Variants in PTPRR observed in about 807,000 individuals in gnomAD.
The protein encoded by PTPRR is receptor-type tyrosine-protein phosphatase R.
Under a neutral mutation model 77.2 loss-of-function variants are expected in PTPRR, and 38 were observed. The ratio of observed to expected loss-of-function variants is 0.49; its 90% CI spans 0.38 to 0.65. The LOEUF (loss-of-function observed/expected upper bound fraction) is 0.65. Ranked by LOEUF, PTPRR falls within the 30% of genes least tolerant of loss-of-function variation. The probability of loss-of-function intolerance (pLI) is 0.00; values close to 1 mark genes in which losing one functional copy is unlikely to be tolerated. For synonymous variants in PTPRR, 299 were observed against 283.1 expected, an observed-to-expected ratio of 1.06 and a Z score of -0.57; for missense variants, 744 against 799.2, an observed-to-expected ratio of 0.93 and a Z score of 0.83.
At chr12:70,652,866 G>GTGGA (rs1453845902) in intron 13 of PTPRR, among the ~76,000 whole-genome samples, 1 of 152,218 alleles carries the variant, frequency 6.6e-6, no homozygotes, top group East Asian at 1.9e-4. Flanking sequence ...GGAACCCAAG[G>GTGGA]TGGAGGTCAG....
intron 6 of PTPRR, among the ~76,000 whole-genome samples, chr12:70,735,855 G>A (rs1889844368): frequency 2.0e-5 from 3 of 152,290 alleles, no homozygotes; most frequent in Middle Eastern, 3.4e-3. Flanking sequence ...CAGGTGGCAG[G>A]TTAGTGTCCA....
intron 2 of PTPRR, among the ~76,000 whole-genome samples, chr12:70,833,036 G>A (rs780630071): frequency 1.3e-5 from 2 of 152,088 alleles, no homozygotes; most frequent in Non-Finnish European, 2.9e-5. Context: ...ATTACCATGG[G>A]CAGGGCACCA....
chr12:70,871,078 G>A (rs1012920320), intron 2 of PTPRR, among the ~76,000 whole-genome samples: 4 of 152,106 alleles, frequency 2.6e-5, no homozygotes, highest in African/African-American at 7.2e-5. Flanking sequence ...AATGAGTAAC[G>A]GAGAGGGATC....
intron 13 of PTPRR, among the ~76,000 whole-genome samples, chr12:70,641,820 A>G (rs1020941232): frequency 2.6e-5 from 4 of 152,182 alleles, no homozygotes; most frequent in African/African-American, 9.7e-5. Flanking sequence ...CTTTCACCGC[A>G]TTGGTCCAAC....
intron 13 of PTPRR, among the ~76,000 whole-genome samples, chr12:70,656,045 C>G (rs889371955): frequency 6.7e-6 from 1 of 150,206 alleles, no homozygotes; most frequent in Non-Finnish European, 1.5e-5. Context: ...GACCCTGTCT[C>G]TACAAAAAAA....
At chr12:70,897,126 T>C (rs1344489065) in intron 1 of PTPRR, among the ~76,000 whole-genome samples, 3 of 151,892 alleles carry the variant, frequency 2.0e-5, no homozygotes, top group East Asian at 1.9e-4. Context: ...CCAAAAGCAA[T>C]GGCAACAAAA....
At chr12:70,712,890 A>C (rs1430198098) in intron 6 of PTPRR, among the ~76,000 whole-genome samples, 3 of 151,836 alleles carry the variant, frequency 2.0e-5, no homozygotes, top group Non-Finnish European at 1.5e-5. Flanking sequence ...TATTGAGATC[A>C]ACTTATGTAC....
chr12:70,727,147 C>T (rs1889470192), intron 6 of PTPRR, among the ~76,000 whole-genome samples: 1 of 152,048 alleles, frequency 6.6e-6, no homozygotes. Context: ...GAAATTGTCT[C>T]ACAAATTTTA....
At chr12:70,730,300 C>G (rs1889607302) in intron 6 of PTPRR, among the ~76,000 whole-genome samples, 1 of 152,192 alleles carries the variant, frequency 6.6e-6, no homozygotes, top group Non-Finnish European at 1.5e-5. Flanking sequence ...CACCTCAGGT[C>G]AGGAGTTCAA....
chr12:70,781,991 AGTT>A (rs1484713812), intron 2 of PTPRR, among the ~76,000 whole-genome samples: 1 of 152,294 alleles, frequency 6.6e-6, no homozygotes, highest in East Asian at 1.9e-4. Flanking sequence ...ATCCTTGCTC[AGTT>A]GTTGTTATGA....
intron 13 of PTPRR, among the ~76,000 whole-genome samples, chr12:70,654,922 G>A (rs1886521376): frequency 1.3e-5 from 2 of 152,172 alleles, no homozygotes; most frequent in South Asian, 4.1e-4. Flanking sequence ...TGAGATTACA[G>A]GCGAGAGCCA....
intron 10 of PTPRR, among the ~76,000 whole-genome samples, chr12:70,673,689 A>C (rs906353894): frequency 2.0e-5 from 3 of 152,204 alleles, no homozygotes; most frequent in African/African-American, 7.2e-5. Context: ...CTTTGAAATA[A>C]TATTTATTTT....
intron 6 of PTPRR, among the ~76,000 whole-genome samples, chr12:70,722,777 T>C (rs1032076150): frequency 3.3e-5 from 5 of 152,090 alleles, no homozygotes; most frequent in Non-Finnish European, 5.9e-5. Context: ...CCTTGCCCCC[T>C]GTTTCACAGT....
chr12:70,729,343 T>TCTAC (rs1386711559), intron 6 of PTPRR, among the ~76,000 whole-genome samples: 1 of 92,840 alleles, frequency 1.1e-5, no homozygotes, highest in Non-Finnish European at 2.5e-5. Context: ...TATCTATCTA[T>TCTAC]CTATCTATCT....
intron 2 of PTPRR, among the ~76,000 whole-genome samples, chr12:70,804,920 A>T (rs918328731): frequency 1.3e-5 from 2 of 152,250 alleles, no homozygotes; most frequent in East Asian, 3.8e-4. Context: ...TTGAAAAAAC[A>T]GTATAAAGAA....
At chr12:70,800,224 C>A (rs967825244) in intron 2 of PTPRR, among the ~76,000 whole-genome samples, 20 of 152,074 alleles carry the variant, frequency 1.3e-4, no homozygotes, top group Non-Finnish European at 1.8e-4. Context: ...CTGTCTAAAC[C>A]CTTTCCCCCC....
chr12:70,919,900 T>C (rs1047681073), intron 1 of PTPRR, among the ~76,000 whole-genome samples: 4 of 152,014 alleles, frequency 2.6e-5, no homozygotes, highest in African/African-American at 9.7e-5. Context: ...TTACAGCCAA[T>C]GCCTTCCTAT....
At chr12:70,789,399 A>G (rs1266173354) in intron 2 of PTPRR, among the ~76,000 whole-genome samples, 1 of 152,112 alleles carries the variant, frequency 6.6e-6, no homozygotes, top group African/African-American at 2.4e-5. Flanking sequence ...TTATTTTAGC[A>G]GTCAGCATGA....
chr12:70,870,287 T>G (rs1037158971), intron 2 of PTPRR, among the ~76,000 whole-genome samples: 2 of 152,136 alleles, frequency 1.3e-5, no homozygotes, highest in Non-Finnish European at 2.9e-5. Context: ...ACGGCCTACC[T>G]GAGCCTCAAT....
Sources: allele counts gnomAD v4.1 joint callset (sites outside exome capture counted in the v4.1 genomes callset), GRCh38; gene constraint gnomAD v4.1.1; transcripts MANE v1.5; gene names NCBI Gene and HGNC (gene_info 2026-07-23, HGNC 2026-07-21).